SRRM1: variants seen among roughly 807,000 people sequenced by gnomAD.
SRRM1 encodes serine and arginine repetitive matrix 1, also known as serine/arginine repetitive matrix protein 1.
In SRRM1, 19 loss-of-function variants were observed where a neutral mutation model predicts 110.2. The ratio of observed to expected loss-of-function variants is 0.17; its 90% CI spans 0.12 to 0.25. The LOEUF is 0.25. Among genes scored for constraint, SRRM1 ranks in the 10% least tolerant of loss-of-function variants. The pLI, the probability that SRRM1 is intolerant of heterozygous loss-of-function variation, is 1.00. For synonymous variants in SRRM1, 443 were observed against 414.9 expected, an observed-to-expected ratio of 1.07 and a Z score of -0.82; for missense variants, 918 against 1,145.8, an observed-to-expected ratio of 0.80 and a Z score of 2.87.
chr1:24,668,957 A>G (rs906835061), intron 13 of SRRM1, among the ~76,000 whole-genome samples, 166 bp from the exon 14 acceptor site: 1 of 152,136 alleles, frequency 6.6e-6, no homozygotes, highest in African/African-American at 2.4e-5. Context: ...TGAGATAAAC[A>G]AGTTTTATTG....
In SRRM1 at chr1:24,645,225, C is replaced by G. The variant is rs561364610; in HGVS notation, c.22-759C>G. Among the ~76,000 whole-genome samples the G allele has an allele frequency of 7.2e-5, 11 of 152,292 alleles. No individual in the cohort carries two copies. In the South Asian group the frequency reaches 2.1e-3, roughly 29 times the overall value. The stretch of plus-strand genomic sequence containing the variant: ...GGTAACTTGGTTTACGATCTTACGG[C>G]TAAGTAGTGGCACAGTTTTTACCTT... On this transcript the variant is annotated intron_variant, in intron 1 of 16. Coordinates refer to ENST00000323848, the MANE Select transcript of SRRM1 (RefSeq NM_005839.4).
At chr1:24,657,958 A>G (rs190856893) in intron 9 of SRRM1, among the ~76,000 whole-genome samples, 1 of 152,086 alleles carries the variant, frequency 6.6e-6, no homozygotes, top group East Asian at 1.9e-4. Flanking sequence ...GTCTAAGATT[A>G]ATAATTAATA....
chr1:24,667,375 A>G (rs1670535080), intron 13 of SRRM1, among the ~76,000 whole-genome samples: 1 of 152,230 alleles, frequency 6.6e-6, no homozygotes, highest in African/African-American at 2.4e-5. Flanking sequence ...ATGTTAATAC[A>G]TTAAAAGATG....
Position 24,667,114 on chromosome 1 carries a change from T to C in SRRM1, c.1739+189T>C, listed in dbSNP as rs1384400219. 2.0e-5 allele frequency among the ~76,000 whole-genome samples: 3 copies of C among 152,184 alleles called. No individual in the cohort carries two copies. The East Asian group carries it at 5.8e-4, about 29-fold the overall frequency. On this transcript the variant is annotated intron_variant, in intron 13 of 16. Transcript: ENST00000323848. ...TCTGAATCTTTCTGATGATTATATC[T>C]TATTAGAGTAAGCAGACTAGCATTG...
intron 8 of SRRM1, 136 bp downstream of exon 8, chr1:24,653,168 T>A: frequency 1.2e-6 from 1 of 842,384 alleles, no homozygotes; most frequent in East Asian, 3.1e-5. Context: ...CTAAAGAGTC[T>A]GTTTCATTTG....
At position 24,655,039 on chromosome 1, in the gene SRRM1, C is replaced by G. The variant is rs1463454637; in HGVS notation, c.1225C>G (p.Pro409Ala). 1.2e-6 allele frequency: 2 copies of G among 1,614,178 alleles called. No homozygotes were observed. The highest frequency in any genetic ancestry group is 1.7e-6 in the Non-Finnish European group (2 of 1,180,042). The change falls in exon 9 of 17, where the codon CCC (proline) becomes GCC (alanine). Residue 409 changes from proline to alanine, a missense_variant. Around this residue, in one of 5 missense-constraint regions of SRRM1, gnomAD observed 456 missense variants for 453.5 expected, o/e 1.01. Transcript: ENST00000323848. ...GCCATCACCTCCTGCAACTCCACCA[C>G]CCAAAACTCGGCATTCCCCTACACC... ...HRPSPPATPP[P>A]KTRHSPTPQQ...
intron 12 of SRRM1, among the ~76,000 whole-genome samples, chr1:24,664,406 G>T (rs1039802596): frequency 2.6e-5 from 4 of 152,202 alleles, no homozygotes; most frequent in African/African-American, 4.8e-5. Flanking sequence ...TGAGAAGATA[G>T]CGGCCCTGAT....
chr1:24,664,985 T>C (rs770546502), intron 12 of SRRM1, among the ~76,000 whole-genome samples: 2 of 152,124 alleles, frequency 1.3e-5, no homozygotes, highest in African/African-American at 2.4e-5. Context: ...CAGGATGTTT[T>C]TGTTTTGTTT....
chr1:24,654,418 T>A, intron 8 of SRRM1: 1 of 1,128,994 alleles, frequency 8.9e-7, no homozygotes, highest in Non-Finnish European at 1.2e-6. Context: ...TAAGTTTATG[T>A]AGCTAAATGA....
intron 11 of SRRM1, among the ~76,000 whole-genome samples, chr1:24,661,755 T>A (rs1667332211): frequency 6.6e-6 from 1 of 152,166 alleles, no homozygotes; most frequent in Non-Finnish European, 1.5e-5. Context: ...ATATGTTGCC[T>A]CACTTTTTAA....
intron 9 of SRRM1, among the ~76,000 whole-genome samples, chr1:24,657,441 G>C (rs570981398): frequency 5.0e-4 from 76 of 152,300 alleles, no homozygotes; most frequent in Middle Eastern, 3.4e-3. Context: ...TGGAGGGCAG[G>C]GTTGAAATTC....
intron 12 of SRRM1, among the ~76,000 whole-genome samples, chr1:24,664,429 T>G (rs1471326814): frequency 1.3e-5 from 2 of 152,244 alleles, no homozygotes; most frequent in Non-Finnish European, 2.9e-5. Flanking sequence ...GGTAGTTTCT[T>G]AGGGCCGCAA....
chr1:24,652,029 A>AATATAT (rs1215778545), intron 6 of SRRM1, among the ~76,000 whole-genome samples: 2,234 of 79,750 alleles, frequency 0.028, 122 homozygotes, highest in East Asian at 0.1. Context: ...CTGTACTAAA[A>AATATAT]ATATATATAT....
At chr1:24,660,533 C>A (rs925727490) in intron 9 of SRRM1, among the ~76,000 whole-genome samples, 186 bp from the exon 10 acceptor site, 1 of 152,060 alleles carries the variant, frequency 6.6e-6, no homozygotes, top group African/African-American at 2.4e-5. Context: ...GCCTGTAATC[C>A]CAACACTTTG....
At chr1:24,655,764 C>T (rs1663709941) in intron 9 of SRRM1, among the ~76,000 whole-genome samples, 1 of 152,056 alleles carries the variant, frequency 6.6e-6, no homozygotes, top group South Asian at 2.1e-4. Context: ...ATTAAATACG[C>T]ATGGAAAAAA....
rs766948071 is a variant in SRRM1 at position 24,671,510 on chromosome 1, C to CAGCTGCTGT, written c.2526_2534dup (p.Ala843_Val845dup). On this transcript the variant is annotated inframe_insertion, in exon 16 of 17. Transcript: ENST00000323848. ...GAAAAGGCTGTGGCTGCAGCTGCTG[C>CAGCTGCTGT]AGCTGCTGTGACCCCTGCAGCCATT... The CAGCTGCTGT allele has an allele frequency of 5.0e-6, 8 of 1,612,762 alleles. No individual in the cohort carries two copies. Among genetic ancestry groups the CAGCTGCTGT allele is most frequent in the Non-Finnish European group, 6.8e-6 (8 of 1,179,480 alleles).
At chr1:24,653,778 G>A (rs970063651) in intron 8 of SRRM1, among the ~76,000 whole-genome samples, 8 of 152,252 alleles carry the variant, frequency 5.3e-5, no homozygotes, top group South Asian at 2.1e-4. Flanking sequence ...CTTGCAATAC[G>A]TTTCACCTGG....
chr1:24,657,394 A>G (rs1664734421), intron 9 of SRRM1, among the ~76,000 whole-genome samples: 1 of 152,132 alleles, frequency 6.6e-6, no homozygotes, highest in Non-Finnish European at 1.5e-5. Flanking sequence ...CAACTTTCCT[A>G]CCCCAGAACT....
At chr1:24,659,294 T>G (rs549549550) in intron 9 of SRRM1, among the ~76,000 whole-genome samples, 168 of 152,314 alleles carry the variant, frequency 1.1e-3, no homozygotes, top group Non-Finnish European at 1.1e-3. Context: ...GCGATTACTG[T>G]GTTAGATCAC....
Sources: allele counts gnomAD v4.1 joint callset (sites outside exome capture counted in the v4.1 genomes callset), GRCh38; gene constraint gnomAD v4.1.1; regional missense constraint gnomAD v4.1.1; transcripts MANE v1.5; gene names NCBI Gene and HGNC (gene_info 2026-07-23, HGNC 2026-07-21).